The following PITPNC1 variants were observed in gnomAD, a reference collection of about 807,000 sequenced individuals.
PITPNC1 encodes the protein phosphatidylinositol transfer protein cytoplasmic 1, also known as cytoplasmic phosphatidylinositol transfer protein 1.
Under a neutral mutation model 44.7 loss-of-function variants are expected in PITPNC1, and 18 were observed. The observed-to-expected ratio is 0.40, with a 90% confidence interval of 0.28 to 0.60. The LOEUF is 0.60. Among genes scored for constraint, PITPNC1 ranks in the 20% least tolerant of loss-of-function variants. The probability of loss-of-function intolerance (pLI) is 0.39; values close to 1 mark genes in which losing one functional copy is unlikely to be tolerated. For synonymous variants in PITPNC1, 141 were observed against 149.6 expected (o/e 0.94, Z 0.42); for missense variants, 290 against 418.4 (o/e 0.69, Z 2.68).
At chr17:67,541,110 G>A (rs1480942074) in intron 2 of PITPNC1, among the ~76,000 whole-genome samples, 1 of 152,194 alleles carries the variant, frequency 6.6e-6, no homozygotes, top group Non-Finnish European at 1.5e-5. Context: ...AGCTACTCGG[G>A]AGGCTGAGCC....
At chr17:67,450,562 ACT>A (rs1234413418) in intron 1 of PITPNC1, among the ~76,000 whole-genome samples, 1 of 152,000 alleles carries the variant, frequency 6.6e-6, no homozygotes, top group African/African-American at 2.4e-5. Flanking sequence ...AGTAGCTGGG[ACT>A]ACAGGCGCAC....
chr17:67,661,266 A>G lies in PITPNC1; in HGVS notation c.463-8242A>G, dbSNP rs557026463. On this transcript the variant is annotated intron_variant, in intron 6 of 8. Coordinates refer to ENST00000581322, the MANE Select transcript of PITPNC1 (RefSeq NM_012417.4). Reference sequence around the variant, plus strand: ...CTGGCAAAATTAATAGAGAAGATTCAGAAATGTCACCCACAGTCAAGGTCA... The same window carrying G: ...CTGGCAAAATTAATAGAGAAGATTCGGAAATGTCACCCACAGTCAAGGTCA... Among the ~76,000 whole-genome samples, 12 of 152,204 alleles carry G rather than the reference A, an allele frequency of 7.9e-5. No individual in the cohort carries two copies. The South Asian group carries it at 2.5e-3, about 32-fold the overall frequency.
At chr17:67,462,764 G>A (rs1179188697) in intron 1 of PITPNC1, among the ~76,000 whole-genome samples, 4 of 147,086 alleles carry the variant, frequency 2.7e-5, no homozygotes, top group Middle Eastern at 3.6e-3. Flanking sequence ...GTGCAATGGC[G>A]TGATATCGGC....
intron 1 of PITPNC1, among the ~76,000 whole-genome samples, chr17:67,476,408 A>C (rs2039629682): frequency 6.6e-6 from 1 of 151,720 alleles, no homozygotes. Flanking sequence ...GCTGGTCTTG[A>C]ACTCCTGACC....
intron 1 of PITPNC1, among the ~76,000 whole-genome samples, chr17:67,396,889 A>G (rs572901508): frequency 4.3e-4 from 65 of 152,212 alleles, no homozygotes; most frequent in Non-Finnish European, 8.1e-4. Context: ...TCCTGGGCTC[A>G]AGGAATCCTC....
At chr17:67,521,718 G>C (rs558012467) in intron 1 of PITPNC1, among the ~76,000 whole-genome samples, 1 of 152,140 alleles carries the variant, frequency 6.6e-6, no homozygotes, top group African/African-American at 2.4e-5. Context: ...AAAAATACAC[G>C]CTGCTTTCCC....
intron 4 of PITPNC1, among the ~76,000 whole-genome samples, chr17:67,576,038 G>A (rs2041145327): frequency 6.6e-6 from 1 of 151,592 alleles, no homozygotes; most frequent in Non-Finnish European, 1.5e-5. Flanking sequence ...CACTACACCT[G>A]GCTAATTCTT....
At chr17:67,403,310 T>C (rs2038350584) in intron 1 of PITPNC1, among the ~76,000 whole-genome samples, 1 of 151,036 alleles carries the variant, frequency 6.6e-6, no homozygotes, top group Non-Finnish European at 1.5e-5. Context: ...CCCTCAATTA[T>C]ATTCATAAGG....
At chr17:67,583,057 T>A (rs1175605745) in intron 5 of PITPNC1, among the ~76,000 whole-genome samples, 3 of 152,190 alleles carry the variant, frequency 2.0e-5, no homozygotes, top group African/African-American at 4.8e-5. Context: ...CATGCCTGGG[T>A]CCCAGCCCCT....
At chr17:67,483,545 G>A (rs1467597743) in intron 1 of PITPNC1, among the ~76,000 whole-genome samples, 4 of 152,188 alleles carry the variant, frequency 2.6e-5, no homozygotes, top group African/African-American at 7.2e-5. Context: ...TCAACATTAA[G>A]ATGCGTTGCC....
At chr17:67,469,169 G>A (rs72845145) in intron 1 of PITPNC1, among the ~76,000 whole-genome samples, 17,963 of 152,052 alleles carry the variant, frequency 0.12, 1,808 homozygotes, top group East Asian at 0.39. Flanking sequence ...TTCCCCAACT[G>A]GTGCAATTTT....
chr17:67,411,222 C>A (rs936201314), intron 1 of PITPNC1, among the ~76,000 whole-genome samples: 1 of 152,024 alleles, frequency 6.6e-6, no homozygotes, highest in African/African-American at 2.4e-5. Context: ...GAGACACCTG[C>A]CCTATTTCAT....
At position 67,389,616 on chromosome 17, in the gene PITPNC1, A is replaced by T. The variant is rs1314751775; in HGVS notation, c.48+11414A>T. 3.3e-5 allele frequency among the ~76,000 whole-genome samples: 5 copies of T among 152,302 alleles called. No homozygotes were observed. The East Asian group carries it at 9.6e-4, about 29-fold the overall frequency. The stretch of plus-strand genomic sequence containing the variant: ...AGTTGCACAAGTCTGTAAGTGTATT[A>T]AGAACCATTGAATTGGTATGTAAAG... On this transcript the variant is annotated intron_variant, in intron 1 of 8. Transcript: ENST00000581322.
At chr17:67,635,084 A>T (rs914827385) in intron 6 of PITPNC1, among the ~76,000 whole-genome samples, 7 of 152,286 alleles carry the variant, frequency 4.6e-5, no homozygotes, top group East Asian at 1.9e-4. Flanking sequence ...GTCTCAAAAA[A>T]AATAATAATA....
intron 1 of PITPNC1, among the ~76,000 whole-genome samples, chr17:67,526,436 T>C (rs2040392264): frequency 1.3e-5 from 2 of 152,184 alleles, no homozygotes; most frequent in Admixed American, 6.5e-5. Flanking sequence ...AGGTTCAAGA[T>C]TAAATGACTT....
rs370424054 is a variant in PITPNC1, at chr17:67,606,664, A to G, written c.367-25479A>G. 1.1e-4 allele frequency among the ~76,000 whole-genome samples: 16 copies of G among 152,346 alleles called. No individual in the cohort carries two copies. In the East Asian group the frequency reaches 2.9e-3, roughly 28 times the overall value. On this transcript the variant is annotated intron_variant, in intron 5 of 8. Transcript: ENST00000581322. ...ACAACCTGCTATCAGCAACCACGAT[A>G]TTAAACAGGCATAGAGCCAATAGCA...
chr17:67,594,179 G>T (rs1745229198), intron 5 of PITPNC1, among the ~76,000 whole-genome samples: 1 of 152,192 alleles, frequency 6.6e-6, no homozygotes, highest in Non-Finnish European at 1.5e-5. Context: ...AGTGATAACG[G>T]GACTTCGCTG....
intron 6 of PITPNC1, among the ~76,000 whole-genome samples, chr17:67,657,607 T>G (rs1567762486): frequency 6.6e-6 from 1 of 150,728 alleles, no homozygotes. Context: ...TCTATAAAAC[T>G]GAGGGCATGA....
intron 1 of PITPNC1, among the ~76,000 whole-genome samples, chr17:67,414,598 G>A (rs1225919504): frequency 6.6e-5 from 10 of 152,106 alleles, no homozygotes; most frequent in South Asian, 2.1e-4. Flanking sequence ...CACACTCAAG[G>A]TATTGCCTAT....
Sources: gnomAD v4.1 joint callset for allele counts (sites outside exome capture counted in the v4.1 genomes callset) on GRCh38, gnomAD v4.1.1 for gene constraint, MANE v1.5 for transcripts, NCBI Gene and HGNC (gene_info 2026-07-23, HGNC 2026-07-21) for gene names.